Variants in LOX observed in about 807,000 individuals in gnomAD.
LOX encodes the protein lysyl oxidase, also known as protein-lysine 6-oxidase.
A neutral mutation model predicts 50.5 loss-of-function variants in LOX; 12 were observed. The observed-to-expected ratio is 0.24, with a 90% confidence interval of 0.15 to 0.38. LOX has a LOEUF of 0.38. Ranked by LOEUF, LOX falls within the 10% of genes least tolerant of loss-of-function variation. The pLI is 1.00. For missense variants in LOX, 504 were observed against 563.8 expected, an observed-to-expected ratio of 0.89 and a Z score of 1.07; for synonymous variants, 254 against 230.6, an observed-to-expected ratio of 1.10 and a Z score of -0.92.
intron 4 of LOX, 119 bp downstream of exon 4, chr5:122,073,894 T>A: frequency 1.1e-6 from 1 of 932,066 alleles, no homozygotes; most frequent in Non-Finnish European, 1.7e-6. Flanking sequence ...GAACAGTCTC[T>A]GTATCCTTTT....
rs1433569591 is a variant in LOX, at chr5:122,077,040, C to G, written c.632-39G>C. On this transcript the variant is annotated intron_variant, in intron 1 of 6. Transcript: ENST00000231004. The surrounding 1 kb of genome is among the most constrained non-coding windows in gnomAD (Gnocchi z 4.9). ...GGCGACGGGCGCAGCAGTGAAACAA[C>G]CCGGCGCCCCCCGCTCCAACTCCCT... is the stretch of plus-strand genomic sequence containing the variant. 1.9e-6 allele frequency: 3 copies of G among 1,605,566 alleles called. No homozygotes were observed. The highest frequency in any genetic ancestry group is 2.2e-5 in the South Asian group (2 of 90,856).
intron 2 of LOX, 32 bp downstream of exon 2, chr5:122,076,861 G>C (rs780776669): frequency 2.5e-6 from 4 of 1,601,580 alleles, no homozygotes; most frequent in African/African-American, 2.7e-5. Flanking sequence ...AGGTAGACCG[G>C]GGAGCGGGGC....
In LOX at chr5:122,075,553, A is replaced by G; in HGVS notation, c.741-12T>C. 1 of 1,534,678 alleles carries G rather than the reference A, an allele frequency of 6.5e-7. No homozygotes were observed. ...CCCTGTATGCTGTACTGTGATTTTG[A>G]AAAAAGAAAAATTATTATATTCATG... On this transcript the variant is annotated splice_polypyrimidine_tract_variant and intron_variant, in intron 2 of 6. Coordinates refer to ENST00000231004, the MANE Select transcript of LOX (RefSeq NM_002317.7).
In LOX at chr5:122,077,880, G is replaced by A. The variant is rs752726099; in HGVS notation, c.106C>T (p.Pro36Ser). 1 of 1,535,996 alleles carries A rather than the reference G, an allele frequency of 6.5e-7. No homozygotes were observed. The highest frequency in any genetic ancestry group is 8.7e-7 in the Non-Finnish European group (1 of 1,146,962). The stretch of plus-strand genomic sequence containing the variant: ...TGGCGCCAGGCGCCCGGAGCCGCCG[G>A]CGGCTCGCGCGGGGGCTGCTGTTGG... ...AGQQQPPREPPAAPGAWRQQI... is the reference protein window; with the variant it reads ...AGQQQPPREPSAAPGAWRQQI... The change falls in exon 1 of 7, where the codon CCG becomes TCG. Residue 36 changes from proline (P) to serine (S), a missense_variant. By Grantham distance (74) the Pro-to-Ser change is moderately conservative. Coordinates refer to ENST00000231004, the MANE Select transcript of LOX (RefSeq NM_002317.7). This position sits in a 1 kb window ranked among gnomAD's most constrained non-coding sequence, Gnocchi z 4.9.
chr5:122,066,628 T>G lies in LOX; in HGVS notation c.*115A>C, dbSNP rs890537188. 6 of 852,470 alleles carry G rather than the reference T, an allele frequency of 7.0e-6. No homozygotes were observed. Among genetic ancestry groups the G allele is most frequent in the Non-Finnish European group, 1.1e-5 (6 of 529,248 alleles). 52.8% of individuals were successfully genotyped at this position (852,470 alleles called of 1,614,324 possible). ...GAAAACAGTCCAAACAAAAATTCTT[T>G]TGTTGTTTTCTGTTCTCTTTTTCAA... On this transcript the variant is annotated 3_prime_UTR_variant, in exon 7 of 7. Coordinates refer to ENST00000231004, the MANE Select transcript of LOX (RefSeq NM_002317.7).
At position 122,070,160 on chromosome 5, in the gene LOX, T is replaced by TA; in HGVS notation, c.1139dup (p.Asn381LysfsTer8). On this transcript the variant is annotated frameshift_variant, in exon 6 of 7. Transcript: ENST00000231004. LOFTEE classifies it high-confidence loss of function. ...ATTCAGGAACCAGGTAGCTGGGGTT[T>TA]ACACTGACCTGGGCAACACAAAGAG... The TA allele has an allele frequency of 1.3e-6, 2 of 1,586,538 alleles. No individual in the cohort carries two copies. The highest frequency in any genetic ancestry group is 1.7e-6 in the Non-Finnish European group (2 of 1,155,112).
chr5:122,068,717 G>C (rs748174379), intron 6 of LOX, among the ~76,000 whole-genome samples: 3 of 151,998 alleles, frequency 2.0e-5, no homozygotes, highest in African/African-American at 7.3e-5. Context: ...GTGTAATAAG[G>C]CTACAGCAGT....
In LOX at chr5:122,078,095, C is replaced by A; in HGVS notation, c.-110G>T. ...AGAAATCTTCAACCAAGGAGGCGAG[C>A]GGAGCACGGGTATCTCAGTCTCCAC... On this transcript the variant is annotated 5_prime_UTR_variant, in exon 1 of 7. Transcript: ENST00000231004. 1.9e-6 allele frequency: 2 copies of A among 1,055,956 alleles called. No homozygotes were observed. Among genetic ancestry groups the A allele is most frequent in the Non-Finnish European group, 2.5e-6 (2 of 788,044 alleles). 65.4% of individuals were successfully genotyped at this position (1,055,956 alleles called of 1,614,324 possible).
Position 122,077,870 on chromosome 5 carries a change from G to A in LOX, c.116C>T (p.Pro39Leu). The change falls in exon 1 of 7, where the codon CCG becomes CTG. Residue 39 changes from proline to leucine, a missense_variant. Pro to Leu is a moderately conservative substitution (Grantham distance 98, BLOSUM62 -3). This residue lies in a region of LOX where 398 missense variants were observed against 365.8 expected (regional missense o/e 1.09). Transcript: ENST00000231004. This position sits in a 1 kb window ranked among gnomAD's most constrained non-coding sequence, Gnocchi z 4.9. ...TTGGATCTGCTGGCGCCAGGCGCCC[G>A]GAGCCGCCGGCGGCTCGCGCGGGGG... ...QQPPREPPAA[P>L]GAWRQQIQWE... is the part of the protein sequence containing the mutation. The A allele has an allele frequency of 6.5e-7, 1 of 1,537,200 alleles. No individual in the cohort carries two copies. The highest frequency in any genetic ancestry group is 8.7e-7 in the Non-Finnish European group (1 of 1,147,370).
Position 122,077,893 on chromosome 5 carries a change from G to C in LOX, c.93C>G (p.Pro31=). The C allele has an allele frequency of 6.5e-7, 1 of 1,528,728 alleles. No individual in the cohort carries two copies. Among genetic ancestry groups the C allele is most frequent in the Non-Finnish European group, 8.7e-7 (1 of 1,146,176 alleles). 94.7% of individuals were successfully genotyped at this position (1,528,728 alleles called of 1,614,324 possible). The part of the protein sequence containing the change: ...CAPPAAGQQQ[P]PREPPAAPGA... ...CCGGAGCCGCCGGCGGCTCGCGCGG[G>C]GGCTGCTGTTGGCCGGCGGCGGGAG... The change falls in exon 1 of 7, where the codon CCC becomes CCG. Residue 31 remains proline (P), a synonymous_variant. Coordinates refer to ENST00000231004, the MANE Select transcript of LOX (RefSeq NM_002317.7). The surrounding 1 kb of genome is among the most constrained non-coding windows in gnomAD (Gnocchi z 4.9).
At chr5:122,071,191 A>C (rs374311233) in intron 4 of LOX, among the ~76,000 whole-genome samples, 1 of 118,590 alleles carries the variant, frequency 8.4e-6, no homozygotes, top group Non-Finnish European at 1.7e-5. Context: ...GTAAACATTT[A>C]TATGTGTGTG....
rs868316871 is a variant in LOX, at chr5:122,065,796, G to T, written c.*947C>A. ...TGAGAGACAGTTGTGGTTTGGGGGG[G>T]ACTTGTTTGTGTGATTTTTATGTCA... On this transcript the variant is annotated 3_prime_UTR_variant, in exon 7 of 7. Transcript: ENST00000231004. 65 of 152,042 alleles carry T rather than the reference G, an allele frequency of 4.3e-4. No individual in the cohort carries two copies. The highest frequency in any genetic ancestry group is 1.5e-3 in the African/African-American group (62 of 41,504). The allele number at this position is 152,042 out of a possible 1,614,324, so 9.4% of individuals were successfully genotyped here.
In LOX at chr5:122,065,256, G is replaced by A. The variant is rs1277127787; in HGVS notation, c.*1487C>T. On this transcript the variant is annotated 3_prime_UTR_variant, in exon 7 of 7. Coordinates refer to ENST00000231004, the MANE Select transcript of LOX (RefSeq NM_002317.7). ...TGCAGAATGATTACTAGTAATTGAT[G>A]TTGACTTTACAATTCTATGACATGT... 1 of 152,026 alleles carries A rather than the reference G, an allele frequency of 6.6e-6. No homozygotes were observed. Among genetic ancestry groups the A allele is most frequent in the Non-Finnish European group, 1.5e-5 (1 of 67,970 alleles). 9.4% of individuals were successfully genotyped at this position (152,026 alleles called of 1,614,324 possible).
At chr5:122,073,868 C>G in intron 4 of LOX, 145 bp downstream of exon 4, 1 of 705,684 alleles carries the variant, frequency 1.4e-6, no homozygotes, top group Non-Finnish European at 2.4e-6. Context: ...GGTATATCAT[C>G]TACAGTTTTC....
At chr5:122,073,110 G>T (rs1348125921) in intron 4 of LOX, among the ~76,000 whole-genome samples, 2 of 152,120 alleles carry the variant, frequency 1.3e-5, no homozygotes, top group Non-Finnish European at 2.9e-5. Context: ...TCCTGCCACA[G>T]CCCTGGAATT....
chr5:122,076,187 G>A (rs1049120855), intron 2 of LOX: 2 of 152,208 alleles, frequency 1.3e-5, no homozygotes, highest in African/African-American at 4.8e-5. Context: ...CAAAGTGGAA[G>A]AAATGTACAA....
rs1439051720 is a variant in LOX, at chr5:122,064,012, A to T, written c.*2731T>A. Reference sequence around the variant, plus strand: ...TGTTATGCTAGCCTCAGAGGTCAAGACATCTTTAACCCAGACTGTGGTCTG... The same window carrying T: ...TGTTATGCTAGCCTCAGAGGTCAAGTCATCTTTAACCCAGACTGTGGTCTG... On this transcript the variant is annotated 3_prime_UTR_variant, in exon 7 of 7. Transcript: ENST00000231004. The T allele has an allele frequency of 6.6e-6, 1 of 151,960 alleles. No individual in the cohort carries two copies. Among genetic ancestry groups the T allele is most frequent in the African/African-American group, 2.4e-5 (1 of 41,418 alleles). The allele number at this position is 151,960 out of a possible 1,614,324, so 9.4% of individuals were successfully genotyped here.
At chr5:122,072,253 C>G (rs1754472366) in intron 4 of LOX, among the ~76,000 whole-genome samples, 1 of 152,074 alleles carries the variant, frequency 6.6e-6, no homozygotes, top group African/African-American at 2.4e-5. Context: ...CATAAGCTGG[C>G]AGAACTTAAG....
Position 122,077,866 on chromosome 5 carries a change from G to A in LOX, c.120C>T (p.Gly40=), listed in dbSNP as rs1487006352. 3 of 1,535,352 alleles carry A rather than the reference G, an allele frequency of 2.0e-6. No homozygotes were observed. The highest frequency in any genetic ancestry group is 2.5e-5 in the East Asian group (1 of 39,754). Residue 40 remains glycine (G), a synonymous_variant, in exon 1 of 7, where the codon GGC becomes GGT. Transcript: ENST00000231004. The surrounding 1 kb of genome is among the most constrained non-coding windows in gnomAD (Gnocchi z 4.9). The part of the protein sequence containing the change: ...QPPREPPAAP[G]AWRQQIQWEN... ...CCCATTGGATCTGCTGGCGCCAGGC[G>A]CCCGGAGCCGCCGGCGGCTCGCGCG... is the stretch of plus-strand genomic sequence containing the variant.
Sources: gnomAD v4.1 joint callset for allele counts (sites outside exome capture counted in the v4.1 genomes callset) on GRCh38, gnomAD v4.1.1 for gene constraint, gnomAD v4.1.1 regional missense constraint, Gnocchi (gnomAD v3.1) non-coding constraint, MANE v1.5 for transcripts, NCBI Gene and HGNC (gene_info 2026-07-23, HGNC 2026-07-21) for gene names.